Variants in RASAL2 observed in about 807,000 individuals in gnomAD.
RASAL2 encodes the protein RAS protein activator like 2, also known as ras GTPase-activating protein nGAP.
Under a neutral mutation model 128.9 loss-of-function variants are expected in RASAL2, and 58 were observed. That is an observed-to-expected ratio of 0.45 (90% CI 0.36 to 0.56). The LOEUF is 0.56. Ranked by LOEUF, RASAL2 falls within the 20% of genes least tolerant of loss-of-function variation. The pLI is 0.00. For missense variants in RASAL2, 1,360 were observed against 1,601.6 expected, an observed-to-expected ratio of 0.85 and a Z score of 2.57; for synonymous variants, 561 against 580.8, an observed-to-expected ratio of 0.97 and a Z score of 0.49.
intron 1 of RASAL2, among the ~76,000 whole-genome samples, chr1:178,231,098 A>G (rs1442687648): frequency 1.3e-5 from 2 of 151,884 alleles, no homozygotes; most frequent in Non-Finnish European, 2.9e-5. Flanking sequence ...CACCAGTTTC[A>G]TGTGTTTCTA....
chr1:178,362,653 A>G (rs1671185170), intron 3 of RASAL2, among the ~76,000 whole-genome samples: 1 of 151,952 alleles, frequency 6.6e-6, no homozygotes, highest in African/African-American at 2.4e-5. Flanking sequence ...TCTCTGCCCC[A>G]GGTAACCAGT....
rs1671789398 is a variant in RASAL2 at position 178,372,827 on chromosome 1, T to G, written c.458-17273T>G. ...TAGGACACATGGACCTCCCATTGCT[T>G]TAATTTTGCATTTTTGAATGCTTTC... On this transcript the variant is annotated intron_variant, in intron 3 of 17. Transcript: ENST00000367649. Among the ~76,000 whole-genome samples the G allele has an allele frequency of 2.6e-5, 4 of 152,276 alleles. No homozygotes were observed. The South Asian group carries it at 8.3e-4, about 32-fold the overall frequency.
At chr1:178,132,257 A>G (rs1660149531) in intron 1 of RASAL2, among the ~76,000 whole-genome samples, 1 of 150,644 alleles carries the variant, frequency 6.6e-6, no homozygotes, top group South Asian at 2.1e-4. Context: ...GAGTCTCACT[A>G]TGTTGCCAAG....
At chr1:178,233,910 G>A (rs1664119022) in intron 1 of RASAL2, among the ~76,000 whole-genome samples, 1 of 152,052 alleles carries the variant, frequency 6.6e-6, no homozygotes, top group South Asian at 2.1e-4. Flanking sequence ...GGGAAAAAAG[G>A]GATGGCTCAG....
intron 9 of RASAL2, 61 bp downstream of exon 9, chr1:178,445,723 C>A: frequency 6.7e-7 from 1 of 1,485,964 alleles, no homozygotes; most frequent in Non-Finnish European, 9.0e-7. Flanking sequence ...GCTATTTCAC[C>A]CCCATGAGAC....
At chr1:178,455,971 T>A (rs1677741734) in intron 12 of RASAL2, among the ~76,000 whole-genome samples, 1 of 152,282 alleles carries the variant, frequency 6.6e-6, no homozygotes, top group Non-Finnish European at 1.5e-5. Flanking sequence ...TTATTCAGGA[T>A]CAAAGTCTTT....
At chr1:178,443,598 T>C (rs537184210) in intron 8 of RASAL2, among the ~76,000 whole-genome samples, 165 of 152,304 alleles carry the variant, frequency 1.1e-3, no homozygotes, top group African/African-American at 3.8e-3. Context: ...TGTATTTTAT[T>C]TAAGTTTAAC....
At chr1:178,198,630 A>G (rs1339398930) in intron 1 of RASAL2, among the ~76,000 whole-genome samples, 4 of 152,208 alleles carry the variant, frequency 2.6e-5, no homozygotes, top group Non-Finnish European at 5.9e-5. Flanking sequence ...AGTGGAGGCT[A>G]CAGAACAGCA....
chr1:178,130,871 A>G (rs955454485), intron 1 of RASAL2, among the ~76,000 whole-genome samples: 13 of 152,008 alleles, frequency 8.6e-5, no homozygotes, highest in East Asian at 3.9e-4. Context: ...TGGCTAACAC[A>G]GTGAAACCCC....
chr1:178,367,172 A>G (rs1671446571), intron 3 of RASAL2, among the ~76,000 whole-genome samples: 1 of 152,178 alleles, frequency 6.6e-6, no homozygotes, highest in African/African-American at 2.4e-5. Flanking sequence ...CTAACATTAC[A>G]TGATCTGGCT....
intron 3 of RASAL2, among the ~76,000 whole-genome samples, chr1:178,314,534 A>T (rs536278042): frequency 6.6e-6 from 1 of 152,176 alleles, no homozygotes; most frequent in African/African-American, 2.4e-5. Context: ...TATGAATTCA[A>T]ACTACTTTCT....
chr1:178,255,712 C>CT (rs554658443), intron 1 of RASAL2, among the ~76,000 whole-genome samples: 6 of 151,846 alleles, frequency 4.0e-5, no homozygotes, highest in Non-Finnish European at 8.8e-5. Context: ...TGAAAAATAA[C>CT]TTTATTTAAA....
chr1:178,126,400 A>G (rs1452866127), intron 1 of RASAL2, among the ~76,000 whole-genome samples: 1 of 152,236 alleles, frequency 6.6e-6, no homozygotes, highest in Non-Finnish European at 1.5e-5. Context: ...TAGCAAGGCA[A>G]TCCTGACTGG....
intron 1 of RASAL2, among the ~76,000 whole-genome samples, chr1:178,113,511 A>AGTGTGTGTGTGTGTGTGT (rs61642582): frequency 2.5e-5 from 3 of 122,188 alleles, no homozygotes; most frequent in African/African-American, 9.4e-5. Context: ...CATGCCTGCG[A>AGTGTGTGTGTGTGTGTGT]GTGTGTGTGT....
intron 5 of RASAL2, among the ~76,000 whole-genome samples, chr1:178,425,885 T>G (rs1510265): frequency 0.047 from 7,143 of 152,164 alleles, 559 homozygotes; most frequent in African/African-American, 0.16. Flanking sequence ...CCCAATAATA[T>G]AGGACTCTGT....
At chr1:178,387,203 C>T (rs1272565164) in intron 3 of RASAL2, among the ~76,000 whole-genome samples, 5 of 152,128 alleles carry the variant, frequency 3.3e-5, no homozygotes, top group Non-Finnish European at 5.9e-5. Context: ...AACTTCTTTT[C>T]ATTAGGTGAT....
chr1:178,457,308 T>TAAA, intron 13 of RASAL2, among the ~76,000 whole-genome samples: 1 of 152,344 alleles, frequency 6.6e-6, no homozygotes, highest in Admixed American at 6.5e-5. Context: ...TGGCAAGACT[T>TAAA]GTGCCTTTTG....
chr1:178,306,561 T>C (rs956804247), intron 3 of RASAL2, among the ~76,000 whole-genome samples: 6 of 151,850 alleles, frequency 4.0e-5, no homozygotes, highest in Middle Eastern at 3.2e-3. Flanking sequence ...CAGCACCTGT[T>C]GTTTCCTGAC....
At chr1:178,390,868 AG>A (rs762511794) in intron 4 of RASAL2, among the ~76,000 whole-genome samples, 151 of 152,082 alleles carry the variant, frequency 9.9e-4, no homozygotes, top group African/African-American at 3.4e-3. Flanking sequence ...ATCTGGTGGC[AG>A]GTTTTTTTTT....
Sources: allele counts gnomAD v4.1 joint callset (sites outside exome capture counted in the v4.1 genomes callset), GRCh38; gene constraint gnomAD v4.1.1; transcripts MANE v1.5; gene names NCBI Gene and HGNC (gene_info 2026-07-23, HGNC 2026-07-21).